The following CCDC171 variants were observed in gnomAD, a reference collection of about 807,000 sequenced individuals.
CCDC171 encodes the protein coiled-coil domain-containing protein 171.
A neutral mutation model predicts 168.2 loss-of-function variants in CCDC171; 177 were observed. The ratio of observed to expected loss-of-function variants is 1.05; its 90% confidence interval spans 0.93 to 1.19. The LOEUF (loss-of-function observed/expected upper bound fraction) is 1.19. Ranked by LOEUF, CCDC171 falls within the 50% of genes most tolerant of loss-of-function variation. The pLI, the probability that CCDC171 is intolerant of heterozygous loss-of-function variation, is 0.00. For missense variants in CCDC171, 1,991 were observed against 1,539.0 expected (o/e 1.29, Z -4.91); for synonymous variants, 687 against 540.8 (o/e 1.27, Z -3.75).
chr9:15,955,118 C>T (rs1014101873), intron 25 of CCDC171, among the ~76,000 whole-genome samples: 1 of 152,078 alleles, frequency 6.6e-6, no homozygotes, highest in Non-Finnish European at 1.5e-5. Flanking sequence ...ATTGCTGTAG[C>T]TATCTGTGTG....
chr9:15,773,938 T>A (rs1316671001), intron 18 of CCDC171, among the ~76,000 whole-genome samples: 3 of 151,900 alleles, frequency 2.0e-5, no homozygotes, highest in African/African-American at 7.3e-5. Flanking sequence ...CTCAAACAAA[T>A]CAGCAAGAAC....
At chr9:15,773,637 T>C (rs1178742040) in intron 18 of CCDC171, among the ~76,000 whole-genome samples, 2 of 152,168 alleles carry the variant, frequency 1.3e-5, no homozygotes, top group Non-Finnish European at 2.9e-5. Context: ...TGAGGAACTT[T>C]AGTGACGTTT....
chr9:15,576,161 A>T (rs191710358), intron 3 of CCDC171, among the ~76,000 whole-genome samples: 2 of 144,212 alleles, frequency 1.4e-5, no homozygotes, highest in Non-Finnish European at 3.0e-5. Context: ...GTGTGTGTGT[A>T]TATACATGTA....
At position 15,955,446 on chromosome 9, in the gene CCDC171, A is replaced by T. The variant is rs1316707130; in HGVS notation, c.3754-16163A>T. Among the ~76,000 whole-genome samples, 3 of 152,016 alleles carry T rather than the reference A, an allele frequency of 2.0e-5. No individual in the cohort carries two copies. In the East Asian group the frequency reaches 5.8e-4, roughly 29 times the overall value. Reference sequence around the variant, plus strand: ...AGCGACAATCAGAGCACAGATCCTGATATTTGGAGAACAAGGTTCTTTTTG... The same window carrying T: ...AGCGACAATCAGAGCACAGATCCTGTTATTTGGAGAACAAGGTTCTTTTTG... On this transcript the variant is annotated intron_variant, in intron 25 of 25. Transcript: ENST00000380701.
chr9:15,912,354 A>AG (rs1823801264), intron 24 of CCDC171, among the ~76,000 whole-genome samples: 1 of 152,066 alleles, frequency 6.6e-6, no homozygotes, highest in African/African-American at 2.4e-5. Context: ...CTGTTTGTCT[A>AG]TTATTGGTGT....
intron 3 of CCDC171, among the ~76,000 whole-genome samples, chr9:16,019,207 CTA>C (rs1833101628): frequency 6.6e-6 from 1 of 152,172 alleles, no homozygotes; most frequent in Admixed American, 6.5e-5. Flanking sequence ...TTCTCTCCAG[CTA>C]CTCCTGTCTA....
At chr9:15,685,606 G>A (rs2050339227) in intron 10 of CCDC171, among the ~76,000 whole-genome samples, 1 of 152,010 alleles carries the variant, frequency 6.6e-6, no homozygotes, top group African/African-American at 2.4e-5. Flanking sequence ...GTGCATGCTA[G>A]CCTGGGGCAC....
intron 16 of CCDC171, among the ~76,000 whole-genome samples, chr9:15,740,755 G>A (rs906327356): frequency 6.6e-6 from 1 of 152,102 alleles, no homozygotes; most frequent in African/African-American, 2.4e-5. Context: ...TAGAGGTTTT[G>A]TTGGTGTTTC....
intron 6 of CCDC171, among the ~76,000 whole-genome samples, chr9:15,603,076 G>T (rs1415903647): frequency 6.6e-6 from 1 of 152,038 alleles, no homozygotes; most frequent in Admixed American, 6.6e-5. Flanking sequence ...CCACCTCCTG[G>T]GTTCATGCTA....
At chr9:15,677,536 C>G (rs2133378869) in intron 9 of CCDC171, among the ~76,000 whole-genome samples, 1 of 151,946 alleles carries the variant, frequency 6.6e-6, no homozygotes, top group Middle Eastern at 3.4e-3. Flanking sequence ...GGAAACAGGT[C>G]TACTACATTT....
chr9:15,759,563 A>G (rs1268144529), intron 18 of CCDC171, among the ~76,000 whole-genome samples: 1 of 152,188 alleles, frequency 6.6e-6, no homozygotes, highest in Non-Finnish European at 1.5e-5. Context: ...AGTCTCCAGT[A>G]TGGAAGAGTT....
In CCDC171 at chr9:15,714,825, C is replaced by G. The variant is rs953991595; in HGVS notation, c.1319-6944C>G. Among the ~76,000 whole-genome samples, 3 of 152,228 alleles carry G rather than the reference C, an allele frequency of 2.0e-5. No individual in the cohort carries two copies. In the East Asian group the frequency reaches 5.8e-4, roughly 29 times the overall value. On this transcript the variant is annotated intron_variant, in intron 11 of 25. Transcript: ENST00000380701. Reference sequence around the variant, plus strand: ...TGTGGTAATCAGAGCTAGGACTTTTCTACTTATGCAAACCAAATGAGACTT... The same window carrying G: ...TGTGGTAATCAGAGCTAGGACTTTTGTACTTATGCAAACCAAATGAGACTT...
rs183207580 is a variant in CCDC171 at position 15,981,047 on chromosome 9, A to G, written n.369-39542A>G. On this transcript the variant is annotated intron_variant and non_coding_transcript_variant, in intron 3 of 9. Coordinates refer to the CCDC171 transcript ENST00000486641. The stretch of plus-strand genomic sequence containing the variant: ...GCAGGAAAACCCCCATATAATAACC[A>G]TCAGATATTGTGAGACTTACTGTCA... Among the ~76,000 whole-genome samples, 90 of 152,082 alleles carry G rather than the reference A, an allele frequency of 5.9e-4. No individual in the cohort carries two copies. The East Asian group carries it at 7.3e-3, about 12-fold the overall frequency.
chr9:16,088,196 T>C, the CCDC171 span, among the ~76,000 whole-genome samples: 3 of 152,202 alleles, frequency 2.0e-5, no homozygotes, highest in Non-Finnish European at 4.4e-5. Context: ...AAACTCTCAA[T>C]AAACTAGGTA....
In CCDC171 at chr9:15,820,253, C is replaced by T. The variant is rs201245398; in HGVS notation, c.3268-26449C>T. ...AGAGAAAGCAGAAAAGATCTAAAAT[C>T]GACACCCTAACATCACAATTAAAAG... On this transcript the variant is annotated intron_variant, in intron 21 of 25. Transcript: ENST00000380701. Among the ~76,000 whole-genome samples, 9 of 113,082 alleles carry T rather than the reference C, an allele frequency of 8.0e-5. 2 individuals carry two copies. The highest frequency in any genetic ancestry group is 3.0e-4 in the South Asian group (1 of 3,378). 74.2% of individuals were successfully genotyped at this position (113,082 alleles called of 152,430 possible). A position where few individuals can be genotyped will look rare whatever the true frequency, so the allele number is the denominator to read the frequency against.
At chr9:15,884,455 AT>A (rs1247019146) in intron 24 of CCDC171, among the ~76,000 whole-genome samples, 1 of 152,228 alleles carries the variant, frequency 6.6e-6, no homozygotes, top group African/African-American at 2.4e-5. Context: ...AAATCAGATT[AT>A]ATGGAAATTG....
chr9:15,601,550 G>C (rs538692270), intron 6 of CCDC171, among the ~76,000 whole-genome samples: 3 of 152,302 alleles, frequency 2.0e-5, no homozygotes, highest in African/African-American at 4.8e-5. Flanking sequence ...AGTACTTACT[G>C]AGTTACTGCT....
At chr9:15,669,837 T>A (rs2048981194) in intron 9 of CCDC171, among the ~76,000 whole-genome samples, 1 of 151,770 alleles carries the variant, frequency 6.6e-6, no homozygotes, top group South Asian at 2.1e-4. Flanking sequence ...GATAAACATA[T>A]CAACGGTATT....
intron 10 of CCDC171, among the ~76,000 whole-genome samples, chr9:15,690,356 C>T (rs1431018118): frequency 1.8e-4 from 27 of 151,952 alleles, no homozygotes; most frequent in Non-Finnish European, 2.1e-4. Flanking sequence ...AGCAATGAAA[C>T]AGTAAGGAGT....
Sources: allele counts gnomAD v4.1 joint callset (sites outside exome capture counted in the v4.1 genomes callset), GRCh38; gene constraint gnomAD v4.1.1; transcripts MANE v1.5; gene names NCBI Gene and HGNC (gene_info 2026-07-23, HGNC 2026-07-21).